Variants in TP53BP1 observed in about 807,000 individuals in gnomAD.
TP53BP1 encodes the protein TP53-binding protein 1.
A neutral mutation model predicts 200.8 loss-of-function variants in TP53BP1; 61 were observed. The observed-to-expected ratio is 0.30, with a 90% CI of 0.25 to 0.38. TP53BP1 has a LOEUF of 0.38. Ranked by LOEUF, TP53BP1 falls within the 10% of genes least tolerant of loss-of-function variation. TP53BP1 has a pLI of 1.00. For synonymous variants in TP53BP1, 822 were observed against 844.3 expected (o/e 0.97, Z 0.46); for missense variants, 2,144 against 2,371.9 (o/e 0.90, Z 2.00).
chr15:43,461,250 T>C (rs2046422027), intron 11 of TP53BP1, among the ~76,000 whole-genome samples: 1 of 152,072 alleles, frequency 6.6e-6, no homozygotes, highest in Admixed American at 6.6e-5. Context: ...AGACAGGTCT[T>C]GCTCTGTTGC....
At chr15:43,479,345 A>T in intron 7 of TP53BP1, 52 bp downstream of exon 7, 1 of 1,510,910 alleles carries the variant, frequency 6.6e-7, no homozygotes, top group East Asian at 2.4e-5. Flanking sequence ...AAATGACATT[A>T]GTATAACCCT....
intron 11 of TP53BP1, among the ~76,000 whole-genome samples, chr15:43,459,346 G>C (rs1372468827): frequency 2.0e-5 from 3 of 152,136 alleles, no homozygotes; most frequent in Non-Finnish European, 4.4e-5. Context: ...CCAAAAAAAA[G>C]ATGTGCAAAT....
intron 11 of TP53BP1, among the ~76,000 whole-genome samples, chr15:43,459,349 G>C (rs1387314339): frequency 1.3e-5 from 2 of 151,970 alleles, no homozygotes; most frequent in African/African-American, 4.8e-5. Context: ...AAAAAAAGAT[G>C]TGCAAATGAT....
At chr15:43,450,503 G>A (rs547402968) in intron 12 of TP53BP1, among the ~76,000 whole-genome samples, 1 of 152,282 alleles carries the variant, frequency 6.6e-6, no homozygotes, top group South Asian at 2.1e-4. Context: ...AACACATCTA[G>A]ATCCCCTGAT....
At chr15:43,506,069 GAC>G (rs1164619715) in intron 1 of TP53BP1, among the ~76,000 whole-genome samples, 1 of 152,164 alleles carries the variant, frequency 6.6e-6, no homozygotes, top group African/African-American at 2.4e-5. Flanking sequence ...AAAAACTAAT[GAC>G]ATTCATCAGG....
chr15:43,419,595 G>C (rs2045348607), intron 21 of TP53BP1, among the ~76,000 whole-genome samples: 1 of 123,160 alleles, frequency 8.1e-6, no homozygotes, highest in African/African-American at 3.3e-5. Flanking sequence ...GTTTCAGCCT[G>C]GTCTCAAACT....
intron 4 of TP53BP1, among the ~76,000 whole-genome samples, chr15:43,483,702 TG>T (rs1397457652): frequency 6.6e-6 from 1 of 152,174 alleles, no homozygotes; most frequent in Non-Finnish European, 1.5e-5. Context: ...TCTATATAAC[TG>T]GAAGGACCAG....
chr15:43,405,517 G>A lies in TP53BP1; in HGVS notation c.*1866C>T. ...TATTGAGCACCTACTACGTACCTTG[G>A]TACTGTTCAAGCTGTGGGAGATACA... is the stretch of plus-strand genomic sequence containing the variant. On this transcript the variant is annotated 3_prime_UTR_variant, in exon 28 of 28. Coordinates refer to ENST00000382044, the MANE Select transcript of TP53BP1 (RefSeq NM_001141980.3). 1 of 418,982 alleles carries A rather than the reference G, an allele frequency of 2.4e-6. No individual in the cohort carries two copies. The highest frequency in any genetic ancestry group is 5.8e-4 in the Middle Eastern group (1 of 1,718). The allele number at this position is 418,982 out of a possible 1,614,324, so 26.0% of individuals were successfully genotyped here.
chr15:43,447,271 G>C, intron 13 of TP53BP1, 95 bp downstream of exon 13: 1 of 1,369,198 alleles, frequency 7.3e-7, no homozygotes, highest in Non-Finnish European at 1.0e-6. Context: ...AACCTTACCA[G>C]CCAGACCCAA....
rs758920713 is a variant in TP53BP1 at position 43,413,173 on chromosome 15, C to A, written c.5251G>T (p.Ala1751Ser). The A allele has an allele frequency of 6.2e-7, 1 of 1,613,836 alleles. No homozygotes were observed. The highest frequency in any genetic ancestry group is 1.1e-5 in the South Asian group (1 of 91,078). ...LTMATTSDKL[A>S]SRSKLPDGPT... Reference sequence around the variant, plus strand: ...CCATCTGGCAGTTTGGAGCGGCTGGCCAACTTGTCACTGGTTGTGGCCATG... The same window carrying A: ...CCATCTGGCAGTTTGGAGCGGCTGGACAACTTGTCACTGGTTGTGGCCATG... Residue 1751 changes from alanine (A) to serine (S), a missense_variant, in exon 24 of 28, where the codon GCC (alanine) becomes TCC (serine). Transcript: ENST00000382044.
At chr15:43,427,969 A>T in intron 18 of TP53BP1, 47 bp downstream of exon 18, 1 of 1,417,008 alleles carries the variant, frequency 7.1e-7, no homozygotes. Flanking sequence ...AAAAAAAAAA[A>T]AAAAGAAAGA....
In TP53BP1 at chr15:43,474,393, G is replaced by A. The variant is rs183980637; in HGVS notation, c.1180+280C>T. On this transcript the variant is annotated intron_variant, in intron 10 of 27. Coordinates refer to ENST00000382044, the MANE Select transcript of TP53BP1 (RefSeq NM_001141980.3). ...AAGTGGGAGCCCAGGCAGAGGAGGC[G>A]CCGAGAGCGAGCGAGGGCTGTGAGG... Among the ~76,000 whole-genome samples, 92 of 150,476 alleles carry A rather than the reference G, an allele frequency of 6.1e-4. 1 individual carries two copies. The East Asian group carries it at 0.011, about 17-fold the overall frequency.
At chr15:43,482,384 C>T (rs192247353) in intron 4 of TP53BP1, among the ~76,000 whole-genome samples, 120 of 152,254 alleles carry the variant, frequency 7.9e-4, no homozygotes, top group African/African-American at 2.8e-3. Context: ...CCCTGTAATC[C>T]CAGCACTTCG....
At chr15:43,454,166 C>T (rs1595575247) in intron 12 of TP53BP1, among the ~76,000 whole-genome samples, 1 of 151,838 alleles carries the variant, frequency 6.6e-6, no homozygotes, top group Non-Finnish European at 1.5e-5. Context: ...GATTGCGCCA[C>T]TGCACTCCAG....
upstream of TP53BP1, among the ~76,000 whole-genome samples, chr15:43,495,812 G>C (rs1430183346): frequency 3.6e-5 from 5 of 140,530 alleles, no homozygotes; most frequent in East Asian, 6.2e-4. Context: ...GTGAGACCCC[G>C]TCTCAAAAAA....
upstream of TP53BP1, among the ~76,000 whole-genome samples, chr15:43,496,221 TTAATCTTC>T (rs1162504886): frequency 1.3e-5 from 2 of 152,216 alleles, no homozygotes; most frequent in Non-Finnish European, 2.9e-5. Flanking sequence ...TCTTCTAATA[TTAATCTTC>T]TAATCTTCTA....
chr15:43,468,532 C>A (rs1243473851), intron 11 of TP53BP1, among the ~76,000 whole-genome samples: 4 of 148,188 alleles, frequency 2.7e-5, no homozygotes, highest in African/African-American at 1.0e-4. Context: ...GGGCAACAGA[C>A]CAAGATCCTG....
At chr15:43,475,528 A>G (rs756570678) in intron 9 of TP53BP1, 37 bp downstream of exon 9, 1 of 1,612,028 alleles carries the variant, frequency 6.2e-7, no homozygotes, top group Non-Finnish European at 8.5e-7. Flanking sequence ...TCTCAGGCAC[A>G]TACTGCCTTG....
At chr15:43,422,312 G>T (rs945329107) in intron 18 of TP53BP1, among the ~76,000 whole-genome samples, 186 bp from the exon 19 acceptor site, 1 of 152,032 alleles carries the variant, frequency 6.6e-6, no homozygotes, top group South Asian at 2.1e-4. Context: ...ATTTTCAAAA[G>T]CCACTGAACT....
Sources: allele counts gnomAD v4.1 joint callset (sites outside exome capture counted in the v4.1 genomes callset), GRCh38; gene constraint gnomAD v4.1.1; transcripts MANE v1.5; gene names NCBI Gene and HGNC (gene_info 2026-07-23, HGNC 2026-07-21).